The following KPNA4 variants were observed in gnomAD, a reference collection of about 807,000 sequenced individuals.
KPNA4 encodes the protein importin subunit alpha-3.
A neutral mutation model predicts 71.3 loss-of-function variants in KPNA4; 13 were observed. The observed-to-expected ratio is 0.18, with a 90% CI of 0.12 to 0.29. The LOEUF (loss-of-function observed/expected upper bound fraction) is 0.29, where lower values mean the gene tolerates loss of function less well. Ranked by LOEUF, KPNA4 falls within the 10% of genes least tolerant of loss-of-function variation. The probability of loss-of-function intolerance (pLI) is 1.00; values close to 1 mark genes in which losing one functional copy is unlikely to be tolerated. For missense variants in KPNA4, 334 were observed against 603.2 expected (o/e 0.55, Z 4.67); for synonymous variants, 189 against 195.2 (o/e 0.97, Z 0.26).
chr3:160,539,793 T>G (rs759507571), intron 1 of KPNA4, among the ~76,000 whole-genome samples: 4 of 152,140 alleles, frequency 2.6e-5, no homozygotes, highest in Non-Finnish European at 5.9e-5. Flanking sequence ...AAGTTTTTAT[T>G]AGCAATCACT....
chr3:160,509,997 A>G, intron 13 of KPNA4, 126 bp from the exon 14 acceptor site: 1 of 658,688 alleles, frequency 1.5e-6, no homozygotes, highest in Non-Finnish European at 2.7e-6. Context: ...TGTATATATC[A>G]TTTTTTCTTA....
chr3:160,504,057 C>G (rs1209216043), intron 16 of KPNA4, among the ~76,000 whole-genome samples: 2 of 152,088 alleles, frequency 1.3e-5, no homozygotes, highest in Admixed American at 1.3e-4. Flanking sequence ...GCACTCCAGC[C>G]TGGGCCCCGT....
At position 160,502,290 on chromosome 3, in the gene KPNA4, A is replaced by G. The variant is rs965505834; in HGVS notation, c.1468-88T>C. Reference sequence around the variant, plus strand: ...TAGTACTAATCCCATTACCCTTAAAAAAAGGTCTGGAGAGATGATGAATGC... The same window carrying G: ...TAGTACTAATCCCATTACCCTTAAAGAAAGGTCTGGAGAGATGATGAATGC... On this transcript the variant is annotated intron_variant, in intron 16 of 16. Transcript: ENST00000334256. The G allele has an allele frequency of 7.5e-6, 4 of 534,804 alleles. No individual in the cohort carries two copies. In the African/African-American group the frequency reaches 7.9e-5, roughly 11 times the overall value. The allele number at this position is 534,804 out of a possible 1,614,324, so 33.1% of individuals were successfully genotyped here. A position where few individuals can be genotyped will look rare whatever the true frequency, so the allele number is the denominator to read the frequency against.
At chr3:160,560,377 T>C (rs991006906) in intron 1 of KPNA4, among the ~76,000 whole-genome samples, 3 of 152,020 alleles carry the variant, frequency 2.0e-5, no homozygotes, top group Non-Finnish European at 4.4e-5. Flanking sequence ...GCTCAGAAAG[T>C]TCCCTTCAGT....
At chr3:160,564,789 C>G (rs1296470800) in intron 1 of KPNA4, 1 of 152,092 alleles carries the variant, frequency 6.6e-6, no homozygotes. Context: ...ATTCCCACCG[C>G]CCTCCTTCCC....
intron 1 of KPNA4, among the ~76,000 whole-genome samples, chr3:160,562,002 A>T (rs1478732911): frequency 6.6e-6 from 1 of 152,154 alleles, no homozygotes; most frequent in Non-Finnish European, 1.5e-5. Flanking sequence ...ATTTTCCCCA[A>T]GGTCATACAC....
intron 7 of KPNA4, among the ~76,000 whole-genome samples, chr3:160,530,569 C>T (rs1226080731): frequency 6.6e-6 from 1 of 152,148 alleles, no homozygotes; most frequent in Non-Finnish European, 1.5e-5. Context: ...TTTATTTCTA[C>T]TGATGTCCTA....
chr3:160,514,858 A>C (rs777020529), intron 12 of KPNA4: 1 of 440,654 alleles, frequency 2.3e-6, no homozygotes, highest in Non-Finnish European at 4.5e-6. Context: ...ATAACTAATA[A>C]GTTTTACTCT....
chr3:160,549,715 T>G (rs1721999110), intron 1 of KPNA4, among the ~76,000 whole-genome samples: 1 of 152,224 alleles, frequency 6.6e-6, no homozygotes, highest in African/African-American at 2.4e-5. Flanking sequence ...TCTCCAGGCT[T>G]GTTCTTTCTC....
intron 13 of KPNA4, among the ~76,000 whole-genome samples, chr3:160,510,982 G>A (rs950372517): frequency 4.6e-5 from 7 of 151,540 alleles, no homozygotes; most frequent in Non-Finnish European, 8.8e-5. Flanking sequence ...GTAGAGACAC[G>A]GTTTCCCCAT....
intron 5 of KPNA4, among the ~76,000 whole-genome samples, chr3:160,533,304 C>T (rs779475871): frequency 2.0e-5 from 3 of 152,122 alleles, no homozygotes; most frequent in Non-Finnish European, 4.4e-5. Context: ...GGATTACAGG[C>T]GTTAAGCCAC....
In KPNA4 at chr3:160,565,440, TCTC is replaced by T. The variant is rs1312643238; in HGVS notation, c.-161_-159del. On this transcript the variant is annotated 5_prime_UTR_variant, in exon 1 of 17. Coordinates refer to ENST00000334256, the MANE Select transcript of KPNA4 (RefSeq NM_002268.5). ...CTCTCACCTGCCTCCGCCGCGGCCTTCTCCTCTCCCCGCCCGCCCCCCCGCCCT... is the reference window on the plus strand; with the variant it reads ...CTCTCACCTGCCTCCGCCGCGGCCTTCTCTCCCCGCCCGCCCCCCCGCCCT... The T allele has an allele frequency of 8.2e-6, 5 of 612,148 alleles. No individual in the cohort carries two copies. The highest frequency in any genetic ancestry group is 5.7e-5 in the Admixed American group (2 of 34,828). The allele number at this position is 612,148 out of a possible 1,614,324, so 37.9% of individuals were successfully genotyped here.
At position 160,502,984 on chromosome 3, in the gene KPNA4, G is replaced by A. The variant is rs762608886; in HGVS notation, c.1468-782C>T. 5.3e-5 allele frequency among the ~76,000 whole-genome samples: 8 copies of A among 152,036 alleles called. No individual in the cohort carries two copies. In the East Asian group the frequency reaches 7.7e-4, roughly 15 times the overall value. On this transcript the variant is annotated intron_variant, in intron 16 of 16. Coordinates refer to ENST00000334256, the MANE Select transcript of KPNA4 (RefSeq NM_002268.5). Reference sequence around the variant, plus strand: ...AAATTAGCTGGGCATGGTGGCATGCGCCTATAATCCCAGCTACTTGGGAGG... The same window carrying A: ...AAATTAGCTGGGCATGGTGGCATGCACCTATAATCCCAGCTACTTGGGAGG...
chr3:160,519,801 C>CAAAAAAAAAAAAAAA (rs558355699), intron 11 of KPNA4, among the ~76,000 whole-genome samples: 54 of 83,682 alleles, frequency 6.5e-4, no homozygotes, highest in East Asian at 9.0e-4. Context: ...GACTCCGTCT[C>CAAAAAAAAAAAAAAA]AAAAAAAAAA....
chr3:160,547,185 T>C (rs923499307), intron 1 of KPNA4, among the ~76,000 whole-genome samples: 21 of 152,262 alleles, frequency 1.4e-4, no homozygotes, highest in African/African-American at 5.1e-4. Context: ...AATGTTATCT[T>C]GTCATATTTG....
At chr3:160,565,102 T>C in intron 1 of KPNA4, 112 bp downstream of exon 1, 5 of 863,342 alleles carry the variant, frequency 5.8e-6, no homozygotes, top group Middle Eastern at 2.2e-4. Context: ...CCTAGCGCCA[T>C]TCCCCGAGGC....
At chr3:160,518,371 G>A (rs1179001026) in intron 11 of KPNA4, among the ~76,000 whole-genome samples, 3 of 149,540 alleles carry the variant, frequency 2.0e-5, no homozygotes, top group Non-Finnish European at 3.0e-5. Flanking sequence ...TCCTGACCTC[G>A]TGATCCGCCC....
rs189410939 is a variant in KPNA4, at chr3:160,535,983, C to T, written c.115-86G>A. The T allele has an allele frequency of 4.0e-6, 4 of 1,000,568 alleles. No individual in the cohort carries two copies. The South Asian group carries it at 2.0e-4, about 50-fold the overall frequency. 62.0% of individuals were successfully genotyped at this position (1,000,568 alleles called of 1,614,324 possible). A position where few individuals can be genotyped will look rare whatever the true frequency, so the allele number is the denominator to read the frequency against. ...TGAATACTTTCATACAAAGCTCAGG[C>T]AATCCTGTGCCTAAAAACTGAAATA... is the stretch of plus-strand genomic sequence containing the variant. On this transcript the variant is annotated intron_variant, in intron 2 of 16. Transcript: ENST00000334256.
At chr3:160,565,134 A>C in intron 1 of KPNA4, 80 bp downstream of exon 1, 5 of 1,226,006 alleles carry the variant, frequency 4.1e-6, no homozygotes, top group Non-Finnish European at 5.9e-6. Flanking sequence ...TCCCGCCCCT[A>C]ATCCCCACAC....
Sources: gnomAD v4.1 joint callset for allele counts (sites outside exome capture counted in the v4.1 genomes callset) on GRCh38, gnomAD v4.1.1 for gene constraint, MANE v1.5 for transcripts, NCBI Gene and HGNC (gene_info 2026-07-23, HGNC 2026-07-21) for gene names.